The following RBFOX2 variants were observed in gnomAD, a reference collection of about 807,000 sequenced individuals.
RBFOX2 encodes RNA binding fox-1 homolog 2, also known as RNA binding protein fox-1 homolog 2.
A neutral mutation model predicts 49.1 loss-of-function variants in RBFOX2; 10 were observed. The observed-to-expected ratio is 0.20, with a 90% CI of 0.13 to 0.35. RBFOX2 has a LOEUF of 0.35. RBFOX2 is among the 10% of genes least tolerant of loss of function. The probability of loss-of-function intolerance (pLI) is 1.00; values close to 1 mark genes in which losing one functional copy is unlikely to be tolerated. For missense variants in RBFOX2, 323 were observed against 486.9 expected (o/e 0.66, Z 3.17); for synonymous variants, 183 against 187.4 (o/e 0.98, Z 0.19).
chr22:35,949,581 T>C lies in RBFOX2; in HGVS notation c.43-10684A>G, dbSNP rs558208282. ...ACTTACACTTGTTATTGTGTGTGTA[T>C]TTTCATCCTAATGAGTGTGAAGTGT... On this transcript the variant is annotated intron_variant, in intron 1 of 5. Coordinates refer to the RBFOX2 transcript ENST00000408983. 7.9e-5 allele frequency among the ~76,000 whole-genome samples: 12 copies of C among 152,380 alleles called. No homozygotes were observed. In the South Asian group the frequency reaches 2.3e-3, roughly 29 times the overall value.
At chr22:35,948,833 A>T (rs1476625340) in intron 1 of RBFOX2, among the ~76,000 whole-genome samples, 2 of 152,170 alleles carry the variant, frequency 1.3e-5, no homozygotes, top group African/African-American at 4.8e-5. Flanking sequence ...ACATAAAGTT[A>T]CCATTTTAGC....
intron 1 of RBFOX2, among the ~76,000 whole-genome samples, chr22:35,958,536 C>G (rs1433945186): frequency 1.3e-5 from 2 of 152,180 alleles, no homozygotes; most frequent in Non-Finnish European, 2.9e-5. Context: ...CAACTGCCAA[C>G]TCTCTGACCT....
intron 1 of RBFOX2, among the ~76,000 whole-genome samples, chr22:35,868,192 T>C (rs908068592): frequency 6.6e-6 from 1 of 152,020 alleles, no homozygotes; most frequent in African/African-American, 2.4e-5. Context: ...GCCTGAGCAA[T>C]GGGACCTGGG....
At chr22:35,761,115 T>G (rs533867642) in intron 8 of RBFOX2, 87 bp downstream of exon 9, 2 of 1,132,770 alleles carry the variant, frequency 1.8e-6, no homozygotes, top group Non-Finnish European at 2.6e-6. Flanking sequence ...ATTTCAGTTA[T>G]GTACTGTACT....
chr22:35,852,060 A>G (rs754891308), intron 1 of RBFOX2, among the ~76,000 whole-genome samples: 2 of 140,422 alleles, frequency 1.4e-5, no homozygotes, highest in African/African-American at 3.1e-5. Flanking sequence ...TGTGAAAAGC[A>G]ATAAAAAAAA....
At chr22:35,869,051 A>G (rs368308520) in intron 1 of RBFOX2, among the ~76,000 whole-genome samples, 11 of 152,208 alleles carry the variant, frequency 7.2e-5, no homozygotes, top group African/African-American at 2.6e-4. Flanking sequence ...TTTTTCTACT[A>G]AGGGCTAGGC....
At chr22:35,902,544 T>C (rs2048708813) in intron 1 of RBFOX2, among the ~76,000 whole-genome samples, 1 of 152,176 alleles carries the variant, frequency 6.6e-6, no homozygotes, top group Non-Finnish European at 1.5e-5. Context: ...AAGCTGCCCT[T>C]GAAAGCTTTC....
At chr22:36,007,664 C>G (rs2058667258) in intron 1 of RBFOX2, among the ~76,000 whole-genome samples, 1 of 152,190 alleles carries the variant, frequency 6.6e-6, no homozygotes, top group Non-Finnish European at 1.5e-5. Context: ...CCTTATTCCT[C>G]TGTCTCTCAA....
chr22:35,968,841 GA>G (rs1223896597), intron 1 of RBFOX2, among the ~76,000 whole-genome samples: 3 of 152,182 alleles, frequency 2.0e-5, no homozygotes, highest in Non-Finnish European at 2.9e-5. Flanking sequence ...ACATTGTAGG[GA>G]GTCTTCACAG....
chr22:35,923,285 C>T (rs2051231156), intron 1 of RBFOX2, among the ~76,000 whole-genome samples: 1 of 152,158 alleles, frequency 6.6e-6, no homozygotes, highest in Non-Finnish European at 1.5e-5. Context: ...AAACTGTCTT[C>T]CAGTCAGCAG....
intron 2 of RBFOX2, among the ~76,000 whole-genome samples, chr22:35,787,296 C>G (rs1946615771): frequency 6.6e-6 from 1 of 152,104 alleles, no homozygotes; most frequent in Admixed American, 6.5e-5. Context: ...CCTCAGCCTC[C>G]CAAAGTGCTA....
At chr22:35,805,792 T>G (rs2148012335) in intron 2 of RBFOX2, among the ~76,000 whole-genome samples, 1 of 152,158 alleles carries the variant, frequency 6.6e-6, no homozygotes, top group Non-Finnish European at 1.5e-5. Flanking sequence ...TATTATTCAG[T>G]GCTGAAAAAG....
chr22:35,800,180 A>C (rs1569163900), intron 2 of RBFOX2, among the ~76,000 whole-genome samples: 1 of 152,088 alleles, frequency 6.6e-6, no homozygotes, highest in African/African-American at 2.4e-5. Context: ...TATCTTACTC[A>C]TCCAACCAGC....
chr22:35,838,468 G>A (rs1355521399), intron 1 of RBFOX2, among the ~76,000 whole-genome samples: 1 of 152,144 alleles, frequency 6.6e-6, no homozygotes, highest in Non-Finnish European at 1.5e-5. Context: ...TAGATCCATT[G>A]AGACAAGTTC....
chr22:35,820,099 G>A (rs1370306886), intron 1 of RBFOX2, among the ~76,000 whole-genome samples: 1 of 152,202 alleles, frequency 6.6e-6, no homozygotes, highest in Non-Finnish European at 1.5e-5. Flanking sequence ...AAGCGAGAAA[G>A]GTAGCAGTGG....
chr22:35,853,301 A>G (rs2042148075), intron 1 of RBFOX2, among the ~76,000 whole-genome samples: 1 of 151,826 alleles, frequency 6.6e-6, no homozygotes, highest in South Asian at 2.1e-4. Context: ...CTAAAAAAAA[A>G]AAAAAAAGAA....
At chr22:35,823,102 T>G (rs1954888704) in intron 1 of RBFOX2, among the ~76,000 whole-genome samples, 1 of 152,200 alleles carries the variant, frequency 6.6e-6, no homozygotes, top group Non-Finnish European at 1.5e-5. Context: ...ATTACAGGCA[T>G]GAGCCACCGC....
At chr22:35,833,611 C>T (rs1420272659) in intron 1 of RBFOX2, among the ~76,000 whole-genome samples, 1 of 152,062 alleles carries the variant, frequency 6.6e-6, no homozygotes, top group East Asian at 1.9e-4. Flanking sequence ...ACAAGTGATA[C>T]ATAATATGAA....
chr22:35,779,428 A>G (rs1944641251), intron 3 of RBFOX2, among the ~76,000 whole-genome samples: 1 of 152,206 alleles, frequency 6.6e-6, no homozygotes, highest in South Asian at 2.1e-4. Context: ...ATCACCTACT[A>G]TCTTTATCAA....
Sources: allele counts gnomAD v4.1 joint callset (sites outside exome capture counted in the v4.1 genomes callset), GRCh38; gene constraint gnomAD v4.1.1; transcripts MANE v1.5; gene names NCBI Gene and HGNC (gene_info 2026-07-23, HGNC 2026-07-21).